The following ATF6 variants were observed in gnomAD, a reference collection of about 807,000 sequenced individuals.
ATF6 encodes the protein cyclic AMP-dependent transcription factor ATF-6 alpha.
ATF6 carries 53 observed loss-of-function variants against 83.6 expected under a neutral mutation model. That is an observed-to-expected ratio of 0.63 (90% CI 0.51 to 0.80). The LOEUF is 0.80. ATF6 is among the 30% of genes least tolerant of loss of function. ATF6 has a pLI of 0.00. For synonymous variants in ATF6, 288 were observed against 285.8 expected (o/e 1.01, Z -0.08); for missense variants, 744 against 797.9 (o/e 0.93, Z 0.81).
chr1:161,921,584 T>C (rs1242163768), intron 15 of ATF6, among the ~76,000 whole-genome samples: 3 of 152,182 alleles, frequency 2.0e-5, no homozygotes, highest in Admixed American at 2.0e-4. Context: ...GATTCCATGA[T>C]TTTGAGACCA....
chr1:161,863,254 A>G lies in ATF6; in HGVS notation c.1661A>G (p.Asp554Gly), dbSNP rs2101839117. The change falls in exon 14 of 16, where the codon GAC becomes GGC. Residue 554 changes from aspartate (D) to glycine (G), a missense_variant. Transcript: ENST00000367942. ...VYYASPRSYQ[D>G]FFEAIRRRGD... The stretch of plus-strand genomic sequence containing the variant: ...TATGCTTCACCCAGAAGTTATCAAG[A>G]CTTTTTTGAAGCCATCCGCAGAAGG... 1 of 1,613,510 alleles carries G rather than the reference A, an allele frequency of 6.2e-7. No homozygotes were observed. The highest frequency in any genetic ancestry group is 8.5e-7 in the Non-Finnish European group (1 of 1,179,540).
chr1:161,791,646 TG>T (rs1684884195), intron 5 of ATF6, 109 bp downstream of exon 5: 3 of 1,228,152 alleles, frequency 2.4e-6, no homozygotes, highest in Non-Finnish European at 2.2e-6. Flanking sequence ...GCTGGCTTGC[TG>T]TTTTTTAATT....
chr1:161,905,137 AC>A (rs1687856126), intron 14 of ATF6, among the ~76,000 whole-genome samples: 1 of 151,912 alleles, frequency 6.6e-6, no homozygotes, highest in Non-Finnish European at 1.5e-5. Flanking sequence ...ATTACATGAA[AC>A]CCCTTTTTTT....
chr1:161,919,147 C>T (rs536892036), intron 15 of ATF6, among the ~76,000 whole-genome samples: 14 of 152,110 alleles, frequency 9.2e-5, no homozygotes, highest in African/African-American at 3.4e-4. Context: ...ATTTAAATTC[C>T]TTTGTTTCAT....
intron 9 of ATF6, among the ~76,000 whole-genome samples, chr1:161,841,765 T>C (rs1006310): frequency 0.49 from 74,786 of 152,104 alleles, 22,463 homozygotes; most frequent in Middle Eastern, 0.66. Flanking sequence ...ATATTGTCAT[T>C]ACAATGTGAT....
At chr1:161,894,040 C>G (rs988098888) in intron 14 of ATF6, among the ~76,000 whole-genome samples, 4 of 152,092 alleles carry the variant, frequency 2.6e-5, no homozygotes, top group Non-Finnish European at 5.9e-5. Flanking sequence ...GTCCCTACTT[C>G]TGCAAAAATT....
chr1:161,954,825 A>G (rs986614523), intron 15 of ATF6, among the ~76,000 whole-genome samples: 3 of 152,096 alleles, frequency 2.0e-5, no homozygotes, highest in African/African-American at 7.2e-5. Flanking sequence ...CATACTTTAT[A>G]CCCTTTTCCT....
intron 7 of ATF6, among the ~76,000 whole-genome samples, chr1:161,815,151 G>A (rs1401179134): frequency 6.7e-6 from 1 of 148,444 alleles, no homozygotes; most frequent in Admixed American, 6.7e-5. Flanking sequence ...TGAGATATTC[G>A]AATGTATTTC....
chr1:161,942,276 C>G (rs916581074), intron 15 of ATF6, among the ~76,000 whole-genome samples: 2 of 152,140 alleles, frequency 1.3e-5, no homozygotes, highest in Non-Finnish European at 2.9e-5. Flanking sequence ...AATGAGCAAA[C>G]TATGAAGAAT....
At chr1:161,859,415 T>C (rs1163650389) in intron 12 of ATF6, among the ~76,000 whole-genome samples, 1 of 152,238 alleles carries the variant, frequency 6.6e-6, no homozygotes, top group Non-Finnish European at 1.5e-5. Context: ...GTCAAATATT[T>C]AATTTTGTAG....
intron 14 of ATF6, among the ~76,000 whole-genome samples, chr1:161,910,820 C>T (rs192533766): frequency 3.9e-5 from 6 of 152,070 alleles, no homozygotes; most frequent in Admixed American, 6.5e-5. Context: ...TAACAATGCA[C>T]TTAAAAAAAC....
chr1:161,818,140 C>T (rs1003533377), intron 7 of ATF6, among the ~76,000 whole-genome samples: 6 of 149,578 alleles, frequency 4.0e-5, no homozygotes, highest in African/African-American at 1.5e-4. Context: ...CATTCTTTAA[C>T]TTTATTTACT....
intron 15 of ATF6, among the ~76,000 whole-genome samples, chr1:161,921,776 G>T (rs1050674952): frequency 1.3e-5 from 2 of 152,184 alleles, no homozygotes; most frequent in African/African-American, 4.8e-5. Flanking sequence ...ATTGACTGAT[G>T]AATTTCATTT....
At chr1:161,918,689 A>G (rs568411497) in intron 15 of ATF6, among the ~76,000 whole-genome samples, 3 of 152,328 alleles carry the variant, frequency 2.0e-5, no homozygotes, top group African/African-American at 7.2e-5. Context: ...TGAATAAAAT[A>G]CATTTTCTGT....
intron 1 of ATF6, among the ~76,000 whole-genome samples, chr1:161,774,434 C>T (rs1684469624): frequency 2.7e-5 from 4 of 150,832 alleles, no homozygotes; most frequent in African/African-American, 9.9e-5. Context: ...CACACACACA[C>T]ACATACACAC....
intron 15 of ATF6, among the ~76,000 whole-genome samples, chr1:161,956,752 A>C (rs1056007393): frequency 6.6e-6 from 1 of 152,240 alleles, no homozygotes; most frequent in Non-Finnish European, 1.5e-5. Flanking sequence ...TATTTTAAAC[A>C]TTGGAACAAA....
chr1:161,910,521 AAAC>A (rs1416429731), intron 14 of ATF6, among the ~76,000 whole-genome samples: 3 of 152,234 alleles, frequency 2.0e-5, no homozygotes, highest in South Asian at 2.1e-4. Flanking sequence ...TCATGTTTAA[AAAC>A]AACAATTAGT....
intron 4 of ATF6, among the ~76,000 whole-genome samples, chr1:161,788,051 C>A (rs1217136656): frequency 1.3e-5 from 2 of 152,144 alleles, no homozygotes; most frequent in Non-Finnish European, 2.9e-5. Context: ...CCCTTGCGGA[C>A]CCATGTGAGA....
chr1:161,814,818 A>G (rs745808158), intron 7 of ATF6, among the ~76,000 whole-genome samples: 1 of 152,234 alleles, frequency 6.6e-6, no homozygotes, highest in South Asian at 2.1e-4. Context: ...TTGAATATTT[A>G]AAGTAGGATT....
Sources: gnomAD v4.1 joint callset for allele counts (sites outside exome capture counted in the v4.1 genomes callset) on GRCh38, gnomAD v4.1.1 for gene constraint, MANE v1.5 for transcripts, NCBI Gene and HGNC (gene_info 2026-07-23, HGNC 2026-07-21) for gene names.